Variants in PCDH15 observed in about 807,000 individuals in gnomAD.
PCDH15 encodes the protein protocadherin-15.
PCDH15 carries 129 observed loss-of-function variants against 178.5 expected under a neutral mutation model. That is an observed-to-expected ratio of 0.72 (90% CI 0.63 to 0.84). The LOEUF (loss-of-function observed/expected upper bound fraction) is 0.84. Ranked by LOEUF, PCDH15 falls within the 40% of genes least tolerant of loss-of-function variation. PCDH15 has a pLI of 0.00. For missense variants in PCDH15, 2,230 were observed against 2,099.9 expected (o/e 1.06, Z -1.21); for synonymous variants, 800 against 732.0 (o/e 1.09, Z -1.50).
At chr10:53,916,564 A>T (rs1036872454) in intron 25 of PCDH15, among the ~76,000 whole-genome samples, 4 of 152,134 alleles carry the variant, frequency 2.6e-5, no homozygotes, top group African/African-American at 9.7e-5. Context: ...AATCATTTTT[A>T]TTTATTAAAC....
At chr10:54,298,315 T>G (rs2059925455) in intron 8 of PCDH15, among the ~76,000 whole-genome samples, 1 of 152,120 alleles carries the variant, frequency 6.6e-6, no homozygotes, top group Non-Finnish European at 1.5e-5. Context: ...GAATAAAATC[T>G]GGAGGCATTA....
chr10:54,830,262 C>T (rs1591726868), intron 3 of PCDH15, among the ~76,000 whole-genome samples: 1 of 152,208 alleles, frequency 6.6e-6, no homozygotes, highest in South Asian at 2.1e-4. Context: ...ATAAATCATG[C>T]TGCTATAAAG....
chr10:54,873,611 G>T (rs1279194152), intron 3 of PCDH15, among the ~76,000 whole-genome samples: 2 of 143,248 alleles, frequency 1.4e-5, no homozygotes, highest in Non-Finnish European at 3.0e-5. Context: ...GCTTCTACAA[G>T]GTGTGTAATC....
chr10:54,410,869 G>A (rs1029211649), intron 3 of PCDH15, among the ~76,000 whole-genome samples: 29 of 138,546 alleles, frequency 2.1e-4, no homozygotes, highest in African/African-American at 7.6e-4. Context: ...GAGAAGATAA[G>A]GACTCTGACC....
At chr10:54,479,235 G>A (rs2078516039) in intron 3 of PCDH15, among the ~76,000 whole-genome samples, 1 of 151,850 alleles carries the variant, frequency 6.6e-6, no homozygotes. Context: ...GAATTTACTA[G>A]TTTGAATGGT....
At chr10:54,541,666 AG>A (rs1289266852) in intron 2 of PCDH15, among the ~76,000 whole-genome samples, 1 of 150,410 alleles carries the variant, frequency 6.6e-6, no homozygotes, top group Non-Finnish European at 1.5e-5. Flanking sequence ...AGAAAGGAAA[AG>A]GATAATATTT....
intron 25 of PCDH15, chr10:53,907,107 T>C (rs985908541): frequency 9.9e-5 from 15 of 152,218 alleles, no homozygotes; most frequent in African/African-American, 3.6e-4. Flanking sequence ...GTGTATACAA[T>C]GTACATGACA....
At position 54,090,071 on chromosome 10, in the gene PCDH15, G is replaced by T; in HGVS notation, c.1918-8C>A. On this transcript the variant is annotated splice_region_variant and splice_polypyrimidine_tract_variant and intron_variant, in intron 15 of 37. Transcript: ENST00000644397. The stretch of plus-strand genomic sequence containing the variant: ...TCCCTCTCGATCAGTTGCCTTCAGA[G>T]AGAAAACATAATTCAATTATCAAGT... The T allele has an allele frequency of 6.2e-7, 1 of 1,600,912 alleles. No individual in the cohort carries two copies. The highest frequency in any genetic ancestry group is 1.1e-5 in the South Asian group (1 of 90,830).
chr10:55,580,281 C>T (rs1241196551), intron 2 of PCDH15, among the ~76,000 whole-genome samples: 3 of 152,028 alleles, frequency 2.0e-5, no homozygotes, highest in Non-Finnish European at 2.9e-5. Context: ...TCTGTGTATT[C>T]ATTATTCATA....
At chr10:54,639,925 G>C (rs1423677769) in intron 2 of PCDH15, among the ~76,000 whole-genome samples, 1 of 151,978 alleles carries the variant, frequency 6.6e-6, no homozygotes, top group East Asian at 1.9e-4. Context: ...AGTGATTATA[G>C]ATAGATTTTT....
chr10:54,736,882 T>C (rs1336666877), intron 1 of PCDH15, among the ~76,000 whole-genome samples: 2 of 152,076 alleles, frequency 1.3e-5, no homozygotes, highest in South Asian at 4.1e-4. Context: ...TGGTCACTGA[T>C]GGCATCAGGT....
intron 1 of PCDH15, among the ~76,000 whole-genome samples, chr10:54,685,029 A>G (rs945026662): frequency 6.6e-6 from 1 of 151,862 alleles, no homozygotes; most frequent in East Asian, 1.9e-4. Context: ...TTCTATTTTA[A>G]AAATTATTAA....
At position 53,866,841 on chromosome 10, in the gene PCDH15, G is replaced by A; in HGVS notation, c.3518C>T (p.Thr1173Ile). 6.2e-7 allele frequency: 1 copy of A among 1,609,058 alleles called. No individual in the cohort carries two copies. Among genetic ancestry groups the A allele is most frequent in the Non-Finnish European group, 8.5e-7 (1 of 1,176,262 alleles). ...GTAGGCCATGACACTATAATTGCCA[G>A]TATCTTTATCAGTAGCCTAGACGGA... ...VLRVKATDKD[T>I]GNYSVMAYRL... Residue 1173 changes from threonine (T) to isoleucine (I), a missense_variant, in exon 27 of 38, where the codon ACT becomes ATT. Transcript: ENST00000644397.
intron 32 of PCDH15, chr10:53,825,040 G>A: frequency 7.5e-7 from 1 of 1,324,746 alleles, no homozygotes; most frequent in Middle Eastern, 1.9e-4. Context: ...GGCAAAAGAT[G>A]AAGATCACTG....
intron 2 of PCDH15, among the ~76,000 whole-genome samples, chr10:54,648,388 G>A (rs1239764644): frequency 6.6e-6 from 1 of 152,042 alleles, no homozygotes; most frequent in Non-Finnish European, 1.5e-5. Context: ...GTGTTTTCTT[G>A]TTGCTTTGGA....
At chr10:54,182,952 T>C (rs1834630290) in intron 13 of PCDH15, among the ~76,000 whole-genome samples, 2 of 151,260 alleles carry the variant, frequency 1.3e-5, no homozygotes, top group South Asian at 4.2e-4. Flanking sequence ...CATATAGATA[T>C]GCTTTTATTT....
chr10:55,512,905 G>A (rs1219292980), intron 2 of PCDH15: 1 of 152,062 alleles, frequency 6.6e-6, no homozygotes, highest in African/African-American at 2.4e-5. Flanking sequence ...GAGCAATTAA[G>A]GGAGAAATAA....
At chr10:53,977,245 T>C (rs2090254506) in intron 21 of PCDH15, among the ~76,000 whole-genome samples, 1 of 152,158 alleles carries the variant, frequency 6.6e-6, no homozygotes, top group East Asian at 1.9e-4. Context: ...ATCTTTTAGC[T>C]TCCTTGGGCC....
chr10:53,990,907 G>A (rs542333643), intron 21 of PCDH15, among the ~76,000 whole-genome samples: 10 of 152,086 alleles, frequency 6.6e-5, no homozygotes, highest in African/African-American at 1.2e-4. Context: ...CACTCCGAGC[G>A]GCCGTCTGGC....
Sources: gnomAD v4.1 joint callset for allele counts (sites outside exome capture counted in the v4.1 genomes callset) on GRCh38, gnomAD v4.1.1 for gene constraint, MANE v1.5 for transcripts, NCBI Gene and HGNC (gene_info 2026-07-23, HGNC 2026-07-21) for gene names.